Variants in RAB27A observed in about 807,000 individuals in gnomAD.
RAB27A encodes ras-related protein Rab-27A.
Under a neutral mutation model 20.8 loss-of-function variants are expected in RAB27A, and 17 were observed. The ratio of observed to expected loss-of-function variants is 0.82; its 90% CI spans 0.56 to 1.23. RAB27A has a LOEUF of 1.23. Among genes scored for constraint, RAB27A ranks in the 50% most tolerant of loss-of-function variants. The pLI is 0.00. For missense variants in RAB27A, 277 were observed against 266.7 expected, an observed-to-expected ratio of 1.04 and a Z score of -0.27; for synonymous variants, 85 against 92.8, an observed-to-expected ratio of 0.92 and a Z score of 0.48.
chr15:55,303,022 C>A (rs532936028), intron 2 of RAB27A, among the ~76,000 whole-genome samples: 5 of 143,736 alleles, frequency 3.5e-5, no homozygotes, highest in South Asian at 2.3e-4. Flanking sequence ...CCGCCCCATC[C>A]GGGAGGGAGG....
In RAB27A at chr15:55,266,044, T is replaced by C. The variant is rs143555693; in HGVS notation, c.-23+4121A>G. ...CACAGAGCATCAGAAGGCTCTAATG[T>C]TACCGACTGAATGTTTGTGTCTCCC... On this transcript the variant is annotated intron_variant, in intron 2 of 6. Coordinates refer to ENST00000336787, the MANE Select transcript of RAB27A (RefSeq NM_183235.3). Among the ~76,000 whole-genome samples the C allele has an allele frequency of 2.0e-5, 3 of 152,362 alleles. No individual in the cohort carries two copies. In the East Asian group the frequency reaches 5.8e-4, roughly 29 times the overall value.
chr15:55,241,402 A>G (rs988451988), intron 2 of RAB27A, among the ~76,000 whole-genome samples: 7 of 151,900 alleles, frequency 4.6e-5, no homozygotes, highest in African/African-American at 4.8e-5. Context: ...CAGATTAACA[A>G]TAGAAAGCAA....
chr15:55,239,598 G>C (rs1026043791), intron 2 of RAB27A, among the ~76,000 whole-genome samples: 1 of 152,110 alleles, frequency 6.6e-6, no homozygotes, highest in Non-Finnish European at 1.5e-5. Context: ...AGTGACACAG[G>C]CTTCCTGGGT....
At chr15:55,206,139 A>G (rs985760378) in intron 6 of RAB27A, 1 of 163,538 alleles carries the variant, frequency 6.1e-6, no homozygotes, top group African/African-American at 2.4e-5. Flanking sequence ...TGAACCTGGG[A>G]GGCAGAGGTT....
At chr15:55,262,236 C>G (rs1897293784) in intron 2 of RAB27A, among the ~76,000 whole-genome samples, 2 of 151,632 alleles carry the variant, frequency 1.3e-5, no homozygotes, top group Non-Finnish European at 2.9e-5. Context: ...CTAATCTTAC[C>G]TTTTAGTCTA....
At chr15:55,242,791 T>C (rs1386840994) in intron 2 of RAB27A, among the ~76,000 whole-genome samples, 1 of 152,160 alleles carries the variant, frequency 6.6e-6, no homozygotes, top group Admixed American at 6.6e-5. Context: ...ATCAGTTGAA[T>C]GCTCTAATTT....
rs201878183 is a variant in RAB27A, at chr15:55,230,467, G to C, written c.173C>G (p.Pro58Arg). 44 of 1,613,486 alleles carry C rather than the reference G, an allele frequency of 2.7e-5. No individual in the cohort carries two copies. The highest frequency in any genetic ancestry group is 3.7e-5 in the Non-Finnish European group (44 of 1,179,670). The change falls in exon 4 of 7, where the codon CCG becomes CGG. Residue 58 changes from proline to arginine, a missense_variant. Transcript: ENST00000336787. ...EKRVVYRASGPDGATGRGQRI... is the reference protein window; with the variant it reads ...EKRVVYRASGRDGATGRGQRI... ...CTGGCCTCTGCCAGTGGCTCCATCC[G>C]GCCCACTGGCTCTGTACACCTAAAA...
intron 1 of RAB27A, among the ~76,000 whole-genome samples, chr15:55,284,470 A>AC (rs1898096186): frequency 6.6e-6 from 1 of 151,420 alleles, no homozygotes; most frequent in South Asian, 2.1e-4. Flanking sequence ...ACAAAACCAT[A>AC]AAAAAAAATA....
At chr15:55,291,510 C>CAAAAAAAAA (rs530643102), upstream of RAB27A, among the ~76,000 whole-genome samples, 1 of 69,000 alleles carries the variant, frequency 1.4e-5, no homozygotes, top group African/African-American at 5.3e-5. Flanking sequence ...GACTCTGTTT[C>CAAAAAAAAA]AAAAAAAAAA....
chr15:55,313,642 G>C (rs933018212), intron 2 of RAB27A, among the ~76,000 whole-genome samples: 2 of 152,198 alleles, frequency 1.3e-5, no homozygotes, highest in Non-Finnish European at 2.9e-5. Context: ...GGGAGGCCAA[G>C]GCAGGGGTAT....
At chr15:55,231,364 C>A (rs1896025852) in intron 3 of RAB27A, among the ~76,000 whole-genome samples, 1 of 152,232 alleles carries the variant, frequency 6.6e-6, no homozygotes, top group African/African-American at 2.4e-5. Flanking sequence ...ATTTTATAGA[C>A]AACACTCCTA....
intron 4 of RAB27A, among the ~76,000 whole-genome samples, chr15:55,229,482 C>A (rs1895946727): frequency 6.6e-6 from 1 of 152,084 alleles, no homozygotes; most frequent in Admixed American, 6.6e-5. Flanking sequence ...TAGAGACCAG[C>A]CTGACCAACA....
chr15:55,246,677 G>T, intron 2 of RAB27A, among the ~76,000 whole-genome samples: 1 of 151,292 alleles, frequency 6.6e-6, no homozygotes, highest in Non-Finnish European at 1.5e-5. Context: ...GTGGAAACAG[G>T]TGTGGCTGTT....
chr15:55,261,432 A>C (rs2141068290), intron 2 of RAB27A, among the ~76,000 whole-genome samples: 1 of 151,684 alleles, frequency 6.6e-6, no homozygotes, highest in East Asian at 1.9e-4. Context: ...ATAAACTCTA[A>C]GAAAAGAATA....
At chr15:55,307,352 T>C (rs1337195495) in intron 2 of RAB27A, among the ~76,000 whole-genome samples, 1 of 151,124 alleles carries the variant, frequency 6.6e-6, no homozygotes, top group Non-Finnish European at 1.5e-5. Context: ...TTGGGGAGAG[T>C]TTTGGATTCT....
intron 6 of RAB27A, among the ~76,000 whole-genome samples, chr15:55,214,252 T>G (rs113046638): frequency 6.6e-6 from 1 of 152,096 alleles, no homozygotes; most frequent in Non-Finnish European, 1.5e-5. Context: ...CTGGCTAACA[T>G]GGTGAAACCC....
chr15:55,209,799 T>C (rs558958216), intron 6 of RAB27A, among the ~76,000 whole-genome samples: 1 of 141,008 alleles, frequency 7.1e-6, no homozygotes, highest in East Asian at 2.0e-4. Flanking sequence ...TGTGTATGTA[T>C]ACATATATAC....
chr15:55,310,954 C>G (rs754988343), intron 2 of RAB27A, among the ~76,000 whole-genome samples: 1 of 152,186 alleles, frequency 6.6e-6, no homozygotes, highest in African/African-American at 2.4e-5. Flanking sequence ...GCCAATAATT[C>G]ATAGGCTTCT....
intron 2 of RAB27A, among the ~76,000 whole-genome samples, chr15:55,248,389 C>T (rs1210896202): frequency 6.6e-6 from 1 of 152,166 alleles, no homozygotes; most frequent in Admixed American, 6.5e-5. Flanking sequence ...CAAAAAGTGA[C>T]ATGAAACTAA....
Sources: gnomAD v4.1 joint callset for allele counts (sites outside exome capture counted in the v4.1 genomes callset) on GRCh38, gnomAD v4.1.1 for gene constraint, MANE v1.5 for transcripts, NCBI Gene and HGNC (gene_info 2026-07-23, HGNC 2026-07-21) for gene names.